Variants in MARCHF1 observed in about 807,000 individuals in gnomAD.
MARCHF1 encodes the protein E3 ubiquitin-protein ligase MARCHF1.
In MARCHF1, 40 loss-of-function variants were observed where a neutral mutation model predicts 54.2. The observed-to-expected ratio is 0.74, with a 90% confidence interval of 0.57 to 0.96. The LOEUF (loss-of-function observed/expected upper bound fraction) is 0.96. MARCHF1 is among the 40% of genes least tolerant of loss of function. The probability of loss-of-function intolerance (pLI) is 0.00; values close to 1 mark genes in which losing one functional copy is unlikely to be tolerated. For synonymous variants in MARCHF1, 236 were observed against 236.3 expected (o/e 1.00, Z 0.01); for missense variants, 586 against 656.5 (o/e 0.89, Z 1.17).
intron 1 of MARCHF1, among the ~76,000 whole-genome samples, chr4:164,285,680 G>GATCCAACAGCGACCTCGTA (rs1386126657): frequency 6.6e-6 from 1 of 151,634 alleles, no homozygotes; most frequent in East Asian, 1.9e-4. Flanking sequence ...CTGACCTCGT[G>GATCCAACAGCGACCTCGTA]ATCCACCAGC....
intron 1 of MARCHF1, among the ~76,000 whole-genome samples, chr4:164,365,476 A>T (rs1730852760): frequency 2.6e-5 from 4 of 151,114 alleles, no homozygotes; most frequent in Admixed American, 2.6e-4. Flanking sequence ...TTGTGTTAAG[A>T]AAAACCAAGC....
intron 5 of MARCHF1, among the ~76,000 whole-genome samples, chr4:163,632,122 T>C (rs191323609): frequency 1.3e-5 from 2 of 152,266 alleles, no homozygotes; most frequent in Admixed American, 1.3e-4. Flanking sequence ...TTGGAACCCT[T>C]GTGCACTATT....
chr4:164,155,282 T>C (rs1730047549), intron 1 of MARCHF1, among the ~76,000 whole-genome samples: 1 of 152,032 alleles, frequency 6.6e-6, no homozygotes, highest in Non-Finnish European at 1.5e-5. Flanking sequence ...CTCCTGTCCA[T>C]ATCAATTGGA....
chr4:163,719,427 T>A (rs1204605388), intron 4 of MARCHF1, among the ~76,000 whole-genome samples: 7 of 152,214 alleles, frequency 4.6e-5, no homozygotes, highest in Admixed American at 6.5e-5. Context: ...ATCCAGTCTA[T>A]CATTGTTGGA....
intron 4 of MARCHF1, among the ~76,000 whole-genome samples, chr4:163,802,337 T>C (rs1748104989): frequency 6.6e-6 from 1 of 152,190 alleles, no homozygotes; most frequent in African/African-American, 2.4e-5. Context: ...TGTGGAGATC[T>C]CTGCTAGGTA....
At chr4:163,647,035 C>T (rs1742785283) in intron 5 of MARCHF1, among the ~76,000 whole-genome samples, 1 of 152,004 alleles carries the variant, frequency 6.6e-6, no homozygotes, top group South Asian at 2.1e-4. Flanking sequence ...GCTTTAAGGA[C>T]ACACATAGAC....
At chr4:164,141,559 T>C (rs1756535629) in intron 1 of MARCHF1, among the ~76,000 whole-genome samples, 1 of 152,104 alleles carries the variant, frequency 6.6e-6, no homozygotes, top group Non-Finnish European at 1.5e-5. Flanking sequence ...CAAGATTAGC[T>C]CTCTTACGGA....
chr4:163,881,358 C>G (rs558933334), intron 3 of MARCHF1, among the ~76,000 whole-genome samples: 49 of 152,268 alleles, frequency 3.2e-4, no homozygotes, highest in African/African-American at 1.2e-3. Context: ...GTAATCCCAG[C>G]TACTCAGGAG....
At chr4:163,731,237 C>A (rs1198040907) in intron 4 of MARCHF1, among the ~76,000 whole-genome samples, 1 of 152,084 alleles carries the variant, frequency 6.6e-6, no homozygotes, top group Non-Finnish European at 1.5e-5. Context: ...AAACAGAAAT[C>A]CTTATGAGCA....
At chr4:164,019,223 G>C (rs1389377187) in intron 2 of MARCHF1, among the ~76,000 whole-genome samples, 1 of 152,150 alleles carries the variant, frequency 6.6e-6, no homozygotes, top group Admixed American at 6.5e-5. Context: ...AACACCTGTT[G>C]AGTGGGTCTT....
chr4:163,866,638 C>A (rs1157195568), intron 3 of MARCHF1, among the ~76,000 whole-genome samples: 1 of 151,412 alleles, frequency 6.6e-6, no homozygotes, highest in African/African-American at 2.4e-5. Context: ...AAAATTCTCA[C>A]CTTCACTTTA....
intron 5 of MARCHF1, among the ~76,000 whole-genome samples, chr4:163,697,858 A>T (rs1013524381): frequency 6.6e-6 from 1 of 152,202 alleles, no homozygotes; most frequent in African/African-American, 2.4e-5. Context: ...ATTTTCCTTA[A>T]TCCTGTCCAC....
At chr4:164,190,249 T>C (rs1731089695) in intron 1 of MARCHF1, 11 of 1,189,734 alleles carry the variant, frequency 9.2e-6, no homozygotes, top group Non-Finnish European at 1.4e-5. Flanking sequence ...CTGGAAGAAA[T>C]TGTTCAGCCA....
At chr4:163,930,345 A>T (rs181771561) in intron 3 of MARCHF1, among the ~76,000 whole-genome samples, 34 of 152,072 alleles carry the variant, frequency 2.2e-4, no homozygotes, top group African/African-American at 8.0e-4. Context: ...ATCATTGCTG[A>T]TACCTCAGAA....
intron 4 of MARCHF1, among the ~76,000 whole-genome samples, chr4:163,839,713 A>G (rs760619779): frequency 2.0e-5 from 3 of 152,094 alleles, no homozygotes; most frequent in Non-Finnish European, 2.9e-5. Context: ...CTGGTTGGGA[A>G]TGGAGGAAGG....
At chr4:163,916,442 C>T (rs1470181349) in intron 3 of MARCHF1, among the ~76,000 whole-genome samples, 8 of 151,994 alleles carry the variant, frequency 5.3e-5, no homozygotes, top group Non-Finnish European at 8.8e-5. Context: ...AGCAGGTGCA[C>T]AGGTGTGTAA....
chr4:164,084,239 G>T (rs1418274039), intron 2 of MARCHF1, among the ~76,000 whole-genome samples: 1 of 151,830 alleles, frequency 6.6e-6, no homozygotes, highest in East Asian at 1.9e-4. Flanking sequence ...TCTTAAGAAT[G>T]ATGAATTTGG....
At chr4:163,567,012 C>T (rs1739666180) in intron 8 of MARCHF1, among the ~76,000 whole-genome samples, 1 of 152,080 alleles carries the variant, frequency 6.6e-6, no homozygotes, top group African/African-American at 2.4e-5. Context: ...CCACATGAAC[C>T]AGGAATTTAA....
chr4:164,107,817 C>CA (rs11289660), intron 2 of MARCHF1, among the ~76,000 whole-genome samples: 8 of 151,542 alleles, frequency 5.3e-5, no homozygotes, highest in South Asian at 2.1e-4. Flanking sequence ...GTCGATAATA[C>CA]AAAAAAAAAG....
Sources: gnomAD v4.1 joint callset for allele counts (sites outside exome capture counted in the v4.1 genomes callset) on GRCh38, gnomAD v4.1.1 for gene constraint, MANE v1.5 for transcripts, NCBI Gene and HGNC (gene_info 2026-07-23, HGNC 2026-07-21) for gene names.